The following CLDN16 variants were observed in gnomAD, a reference collection of about 807,000 sequenced individuals.
The protein encoded by CLDN16 is claudin-16.
CLDN16 carries 13 observed loss-of-function variants against 24.6 expected under a neutral mutation model. The observed-to-expected ratio is 0.53, with a 90% CI of 0.34 to 0.84. The LOEUF (loss-of-function observed/expected upper bound fraction) is 0.84, where lower values mean the gene tolerates loss of function less well. Ranked by LOEUF, CLDN16 falls within the 40% of genes least tolerant of loss-of-function variation. The pLI is 0.01. For missense variants in CLDN16, 298 were observed against 292.7 expected, an observed-to-expected ratio of 1.02 and a Z score of -0.13; for synonymous variants, 116 against 106.7, an observed-to-expected ratio of 1.09 and a Z score of -0.54.
At chr3:190,369,989 C>G (rs1168004709) in intron 1 of CLDN16, among the ~76,000 whole-genome samples, 1 of 151,950 alleles carries the variant, frequency 6.6e-6, no homozygotes, top group Non-Finnish European at 1.5e-5. Flanking sequence ...CCGAGAAAGG[C>G]TGAGACATAC....
chr3:190,330,736 C>A (rs1187639910), intron 1 of CLDN16, among the ~76,000 whole-genome samples: 2 of 152,078 alleles, frequency 1.3e-5, no homozygotes, highest in Non-Finnish European at 2.9e-5. Flanking sequence ...TACAATGGAA[C>A]AAGTTGCCTT....
chr3:190,322,577 G>A, exon 1 of CLDN16: 1 of 309,666 alleles, frequency 3.2e-6, no homozygotes, highest in Non-Finnish European at 6.1e-6. Flanking sequence ...GGGAACGCGC[G>A]GCTGGCGGCG....
At chr3:190,293,089 T>C in the CLDN16 span, among the ~76,000 whole-genome samples, 1 of 152,210 alleles carries the variant, frequency 6.6e-6, no homozygotes, top group Non-Finnish European at 1.5e-5. Flanking sequence ...AAAAGATGTT[T>C]ATTGGACTCA....
chr3:190,404,956 G>A lies in CLDN16; in HGVS notation c.382+30G>A, dbSNP rs113587663. The A allele has an allele frequency of 1.6e-4, 258 of 1,610,126 alleles. No homozygotes were observed. In the African/African-American group the frequency reaches 3.3e-3, roughly 20 times the overall value. On this transcript the variant is annotated intron_variant, in intron 3 of 4. Coordinates refer to ENST00000264734, the MANE Select transcript of CLDN16 (RefSeq NM_006580.4). ...CGGTCTGGCTGGACTAGCAACAGGG[G>A]TAGGGAGACTCTGCTAAGGGCTTGA...
chr3:190,402,190 G>T, intron 1 of CLDN16, 147 bp from the exon 2 acceptor site: 1 of 705,314 alleles, frequency 1.4e-6, no homozygotes, highest in Non-Finnish European at 2.6e-6. Flanking sequence ...ATTCTAATAC[G>T]CATTGTTTGT....
At chr3:190,334,418 A>G (rs760461364) in intron 1 of CLDN16, among the ~76,000 whole-genome samples, 1 of 152,220 alleles carries the variant, frequency 6.6e-6, no homozygotes, top group Non-Finnish European at 1.5e-5. Context: ...AGGGCCCACT[A>G]TGCTAAAGAC....
At chr3:190,394,492 A>G (rs1309678479) in intron 1 of CLDN16, among the ~76,000 whole-genome samples, 1 of 152,196 alleles carries the variant, frequency 6.6e-6, no homozygotes, top group African/African-American at 2.4e-5. Context: ...TAAAGTAAAT[A>G]TTAAAATTAT....
chr3:190,402,252 C>G, intron 1 of CLDN16, 85 bp from the exon 2 acceptor site: 1 of 1,026,632 alleles, frequency 9.7e-7, no homozygotes, highest in Non-Finnish European at 1.6e-6. Flanking sequence ...CTATCAAACA[C>G]AACCACCAAC....
At chr3:190,375,652 T>C (rs1203829889) in intron 3 of CLDN16, among the ~76,000 whole-genome samples, 3 of 151,978 alleles carry the variant, frequency 2.0e-5, no homozygotes, top group African/African-American at 7.2e-5. Flanking sequence ...TCTTCACTTA[T>C]CTCTTTATTA....
the CLDN16 span, chr3:190,306,854 G>T: frequency 0.15 from 23,394 of 152,472 alleles, 2,054 homozygotes; most frequent in Middle Eastern, 0.25. Flanking sequence ...CGTAGGTTTT[G>T]TTCAGTGGAA....
chr3:190,299,020 T>C, the CLDN16 span, among the ~76,000 whole-genome samples: 1 of 152,316 alleles, frequency 6.6e-6, no homozygotes, highest in South Asian at 2.1e-4. Flanking sequence ...AGTATAATGT[T>C]AGTATTCCTT....
chr3:190,390,552 AAG>A (rs1718624271), intron 1 of CLDN16, among the ~76,000 whole-genome samples: 1 of 152,018 alleles, frequency 6.6e-6, no homozygotes, highest in Non-Finnish European at 1.5e-5. Context: ...GAAGAAGAAG[AAG>A]AACCCTGTAA....
chr3:190,313,009 A>T, the CLDN16 span: 2 of 1,614,218 alleles, frequency 1.2e-6, no homozygotes, highest in Non-Finnish European at 1.7e-6. Context: ...GCCAACCACC[A>T]TCAAGGCACG....
the CLDN16 span, among the ~76,000 whole-genome samples, chr3:190,295,786 C>A: frequency 3.9e-5 from 6 of 152,126 alleles, no homozygotes; most frequent in African/African-American, 1.4e-4. Flanking sequence ...TGTAGAAATA[C>A]ACATCAAAAT....
chr3:190,337,315 T>G (rs1312039606), intron 1 of CLDN16, among the ~76,000 whole-genome samples: 2 of 152,026 alleles, frequency 1.3e-5, no homozygotes, highest in Non-Finnish European at 2.9e-5. Flanking sequence ...GACAAGAAGA[T>G]CCAAGAAAGA....
chr3:190,409,825 G>A, intron 4 of CLDN16, 78 bp from the exon 5 acceptor site: 1 of 1,351,256 alleles, frequency 7.4e-7, no homozygotes, highest in Non-Finnish European at 1.1e-6. Flanking sequence ...TCCTTTTGAG[G>A]AAGAACATAT....
At chr3:190,382,135 G>A (rs1718383741) in intron 3 of CLDN16, among the ~76,000 whole-genome samples, 1 of 152,012 alleles carries the variant, frequency 6.6e-6, no homozygotes, top group South Asian at 2.1e-4. Context: ...GGGCATTCAA[G>A]AGAAAGGTTT....
intron 1 of CLDN16, among the ~76,000 whole-genome samples, chr3:190,327,494 C>G (rs1457980034): frequency 1.3e-5 from 2 of 152,054 alleles, no homozygotes; most frequent in Non-Finnish European, 2.9e-5. Flanking sequence ...TCAAAAAAGC[C>G]ACTGAATTAG....
intron 1 of CLDN16, among the ~76,000 whole-genome samples, chr3:190,333,247 G>A (rs1029439264): frequency 6.6e-6 from 1 of 152,046 alleles, no homozygotes; most frequent in African/African-American, 2.4e-5. Context: ...ATAGACCTCA[G>A]GTTTAGGAAC....
Sources: gnomAD v4.1 joint callset for allele counts (sites outside exome capture counted in the v4.1 genomes callset) on GRCh38, gnomAD v4.1.1 for gene constraint, MANE v1.5 for transcripts, NCBI Gene and HGNC (gene_info 2026-07-23, HGNC 2026-07-21) for gene names.